The following SPOCK1 variants were observed in gnomAD, a reference collection of about 807,000 sequenced individuals.
SPOCK1 encodes testican-1.
A neutral mutation model predicts 55.3 loss-of-function variants in SPOCK1; 23 were observed. The ratio of observed to expected loss-of-function variants is 0.42; its 90% confidence interval spans 0.30 to 0.59. SPOCK1 has a LOEUF of 0.59. Ranked by LOEUF, SPOCK1 falls within the 20% of genes least tolerant of loss-of-function variation. The pLI is 0.22. For missense variants in SPOCK1, 499 were observed against 552.5 expected (o/e 0.90, Z 0.97); for synonymous variants, 226 against 221.0 (o/e 1.02, Z -0.20).
intron 3 of SPOCK1, among the ~76,000 whole-genome samples, chr5:137,172,647 AT>A (rs1490748572): frequency 6.6e-6 from 1 of 152,040 alleles, no homozygotes; most frequent in African/African-American, 2.4e-5. Flanking sequence ...ATATTTGCTG[AT>A]TTTTTTGAGG....
chr5:137,273,642 T>C (rs182917224), intron 2 of SPOCK1, among the ~76,000 whole-genome samples: 44 of 152,332 alleles, frequency 2.9e-4, no homozygotes. Flanking sequence ...TGTGGTCTAG[T>C]GATCTATATC....
chr5:137,406,474 A>G (rs999874448), intron 2 of SPOCK1, among the ~76,000 whole-genome samples: 1 of 152,182 alleles, frequency 6.6e-6, no homozygotes, highest in Non-Finnish European at 1.5e-5. Context: ...TAATGGCTTG[A>G]CATGCAGTCT....
At chr5:137,049,048 AC>A in intron 6 of SPOCK1, among the ~76,000 whole-genome samples, 1 of 138,746 alleles carries the variant, frequency 7.2e-6, no homozygotes, top group African/African-American at 2.7e-5. Flanking sequence ...GGGTAACCCG[AC>A]CTTTCTCTCT....
intron 3 of SPOCK1, among the ~76,000 whole-genome samples, chr5:137,255,952 C>T (rs1291147359): frequency 6.6e-6 from 1 of 152,224 alleles, no homozygotes; most frequent in African/African-American, 2.4e-5. Flanking sequence ...CAGTGCAGGG[C>T]CATCTACTGT....
At chr5:137,164,193 A>C (rs1206773891) in intron 3 of SPOCK1, among the ~76,000 whole-genome samples, 2 of 152,122 alleles carry the variant, frequency 1.3e-5, no homozygotes, top group African/African-American at 2.4e-5. Flanking sequence ...TACTTGATCT[A>C]AGTCATTACT....
At chr5:137,218,487 A>G (rs1755761106) in intron 3 of SPOCK1, among the ~76,000 whole-genome samples, 1 of 152,246 alleles carries the variant, frequency 6.6e-6, no homozygotes, top group African/African-American at 2.4e-5. Flanking sequence ...ACAATTTGTA[A>G]AGCTGAGAAA....
intron 2 of SPOCK1, among the ~76,000 whole-genome samples, chr5:137,468,216 G>A (rs993116700): frequency 2.0e-5 from 3 of 152,132 alleles, no homozygotes; most frequent in Admixed American, 6.5e-5. Context: ...GCTACTTAGT[G>A]ACTCCTGCAG....
At chr5:137,076,419 A>G (rs938260293) in intron 5 of SPOCK1, among the ~76,000 whole-genome samples, 1 of 152,184 alleles carries the variant, frequency 6.6e-6, no homozygotes, top group Non-Finnish European at 1.5e-5. Flanking sequence ...TTAAGGTAAA[A>G]ATAATCAGAG....
intron 2 of SPOCK1, among the ~76,000 whole-genome samples, chr5:137,366,482 C>T (rs558251900): frequency 2.0e-5 from 3 of 152,134 alleles, no homozygotes; most frequent in Non-Finnish European, 4.4e-5. Flanking sequence ...GACCACCCCA[C>T]CAAAAAGTGA....
chr5:137,420,804 T>C (rs1752475794), intron 2 of SPOCK1, among the ~76,000 whole-genome samples: 1 of 152,212 alleles, frequency 6.6e-6, no homozygotes, highest in African/African-American at 2.4e-5. Flanking sequence ...CCTTCAGTTC[T>C]GCTCTGATCT....
intron 2 of SPOCK1, among the ~76,000 whole-genome samples, chr5:137,478,761 T>C (rs187542404): frequency 3.4e-4 from 51 of 152,228 alleles, no homozygotes; most frequent in African/African-American, 1.1e-3. Flanking sequence ...AATGGGACTT[T>C]GTATTCACCA....
At chr5:137,116,212 C>A (rs1282959909) in intron 4 of SPOCK1, among the ~76,000 whole-genome samples, 3 of 152,218 alleles carry the variant, frequency 2.0e-5, no homozygotes, top group Non-Finnish European at 4.4e-5. Context: ...AGATCACTGG[C>A]ATTTCCTATT....
intron 6 of SPOCK1, among the ~76,000 whole-genome samples, chr5:137,055,556 C>A (rs1237645579): frequency 6.6e-6 from 1 of 152,184 alleles, no homozygotes; most frequent in African/African-American, 2.4e-5. Flanking sequence ...CAACACAGAA[C>A]TATGTATAAT....
intron 2 of SPOCK1, among the ~76,000 whole-genome samples, chr5:137,421,556 C>A (rs1434682461): frequency 6.6e-6 from 1 of 152,100 alleles, no homozygotes; most frequent in Non-Finnish European, 1.5e-5. Flanking sequence ...ATGTAATGGC[C>A]TTCTTTGTCT....
At chr5:137,077,080 C>T (rs906880756) in intron 5 of SPOCK1, among the ~76,000 whole-genome samples, 6 of 152,162 alleles carry the variant, frequency 3.9e-5, no homozygotes, top group Non-Finnish European at 8.8e-5. Context: ...CCCACCACCA[C>T]GCCTGGCTAA....
chr5:136,988,126 T>C (rs1750878396), intron 8 of SPOCK1, among the ~76,000 whole-genome samples: 1 of 152,194 alleles, frequency 6.6e-6, no homozygotes, highest in Non-Finnish European at 1.5e-5. Context: ...GATTATGTCA[T>C]GAAGGTTTCT....
chr5:137,148,097 G>A (rs1386368216), intron 3 of SPOCK1, among the ~76,000 whole-genome samples: 1 of 152,124 alleles, frequency 6.6e-6, no homozygotes, highest in East Asian at 1.9e-4. Flanking sequence ...AGTTTCTCCT[G>A]ATTGCCCTCT....
At chr5:137,200,669 T>C (rs1326159450) in intron 3 of SPOCK1, among the ~76,000 whole-genome samples, 1 of 152,232 alleles carries the variant, frequency 6.6e-6, no homozygotes, top group Non-Finnish European at 1.5e-5. Flanking sequence ...TTCCATTTTT[T>C]ATTTTAAGTT....
chr5:137,171,227 T>A (rs1289913067), intron 3 of SPOCK1, among the ~76,000 whole-genome samples: 1 of 152,196 alleles, frequency 6.6e-6, no homozygotes, highest in Non-Finnish European at 1.5e-5. Flanking sequence ...ACTCACGCTC[T>A]TGTCTTGACA....
Sources: gnomAD v4.1 joint callset for allele counts (sites outside exome capture counted in the v4.1 genomes callset) on GRCh38, gnomAD v4.1.1 for gene constraint, MANE v1.5 for transcripts, NCBI Gene and HGNC (gene_info 2026-07-23, HGNC 2026-07-21) for gene names.